EVL: variants seen among roughly 807,000 people sequenced by gnomAD.
EVL encodes the protein Enah/Vasp-like, also known as ena/VASP-like protein.
EVL carries 21 observed loss-of-function variants against 59.6 expected under a neutral mutation model. The observed-to-expected ratio is 0.35, with a 90% CI of 0.25 to 0.51. EVL has a LOEUF of 0.51. Ranked by LOEUF, EVL falls within the 20% of genes least tolerant of loss-of-function variation. The pLI is 0.97. For synonymous variants in EVL, 198 were observed against 203.5 expected (o/e 0.97, Z 0.23); for missense variants, 462 against 546.6 (o/e 0.85, Z 1.54).
intron 1 of EVL, among the ~76,000 whole-genome samples, chr14:99,996,814 G>A (rs1373702003): frequency 2.0e-5 from 3 of 152,118 alleles, no homozygotes; most frequent in African/African-American, 7.2e-5. Flanking sequence ...ACCGTGTCTG[G>A]CTGATTTCTG....
chr14:100,030,270 T>C (rs1356256636), intron 1 of EVL, among the ~76,000 whole-genome samples: 8 of 151,806 alleles, frequency 5.3e-5, no homozygotes, highest in Non-Finnish European at 1.0e-4. Context: ...TTTTTTTTTC[T>C]TTTGTATTTT....
At chr14:100,041,592 C>G (rs2061468630) in intron 1 of EVL, among the ~76,000 whole-genome samples, 1 of 152,192 alleles carries the variant, frequency 6.6e-6, no homozygotes, top group Non-Finnish European at 1.5e-5. Flanking sequence ...GACCCCAACA[C>G]ACAGTAGGTG....
intron 1 of EVL, among the ~76,000 whole-genome samples, chr14:100,079,111 A>G (rs534062606): frequency 1.3e-5 from 2 of 152,290 alleles, no homozygotes; most frequent in South Asian, 4.1e-4. Flanking sequence ...GCCTGGGCCC[A>G]GGCAGAGCTG....
intron 11 of EVL, chr14:100,140,945 A>C (rs1283241417): frequency 2.1e-6 from 1 of 485,546 alleles, no homozygotes; most frequent in Non-Finnish European, 3.7e-6. Context: ...TGTTGACCCC[A>C]GCCAGCCTTG....
At chr14:100,085,067 T>A in intron 2 of EVL, 1 of 513,186 alleles carries the variant, frequency 1.9e-6, no homozygotes, top group South Asian at 3.1e-5. Context: ...TTTACCTATG[T>A]CATATGGAGA....
intron 1 of EVL, among the ~76,000 whole-genome samples, chr14:100,073,698 C>T (rs2062098479): frequency 6.6e-6 from 1 of 152,098 alleles, no homozygotes. Flanking sequence ...AGTCATGCCA[C>T]CCCCACCACA....
Position 100,084,900 on chromosome 14 carries a change from C to T in EVL, c.180+45C>T, listed in dbSNP as rs758833473. On this transcript the variant is annotated intron_variant, in intron 2 of 13. Transcript: ENST00000392920. ...ATTATACCCGTGAGCCTGCGCACCA[C>T]CTCCTCACCGCCCACCCCTTACACA... is the stretch of plus-strand genomic sequence containing the variant. The T allele has an allele frequency of 3.8e-6, 6 of 1,599,450 alleles. No homozygotes were observed. In the South Asian group the frequency reaches 4.4e-5, roughly 12 times the overall value.
rs61984548 is a variant in EVL at position 100,109,810 on chromosome 14, T to A, written c.358+12152T>A. 0.028 allele frequency: 12,878 copies of A among 461,988 alleles called. 261 individuals carry two copies. Among genetic ancestry groups the A allele is most frequent in the Non-Finnish European group, 0.041 (9,036 of 218,732 alleles). 28.6% of individuals were successfully genotyped at this position (461,988 alleles called of 1,614,324 possible). On this transcript the variant is annotated intron_variant, in intron 3 of 13. Transcript: ENST00000392920. The surrounding 1 kb of genome is among the most constrained non-coding windows in gnomAD (Gnocchi z 4.3). ...CCAGCCACAGCCTATGGAAGGGCCTTCAGCTGCTGTGGCCCCGAGGTGTGC... is the reference window on the plus strand; with the variant it reads ...CCAGCCACAGCCTATGGAAGGGCCTACAGCTGCTGTGGCCCCGAGGTGTGC...
At chr14:99,990,546 T>G (rs2060868836) in intron 1 of EVL, among the ~76,000 whole-genome samples, 1 of 152,190 alleles carries the variant, frequency 6.6e-6, no homozygotes, top group African/African-American at 2.4e-5. Context: ...TCTTTCCGTT[T>G]CTATGATTTT....
chr14:100,104,634 G>A (rs920058370), intron 3 of EVL, among the ~76,000 whole-genome samples: 4 of 152,144 alleles, frequency 2.6e-5, no homozygotes, highest in South Asian at 2.1e-4. Context: ...CAAAGCTCCC[G>A]TTATGATGGG....
intron 1 of EVL, among the ~76,000 whole-genome samples, chr14:99,973,525 C>T (rs553129221): frequency 1.2e-4 from 19 of 152,262 alleles, no homozygotes; most frequent in South Asian, 6.2e-4. Flanking sequence ...TGCAGTGGTG[C>T]GATCTCGGCT....
chr14:100,056,190 T>C (rs4587910), intron 1 of EVL, among the ~76,000 whole-genome samples: 29,540 of 151,938 alleles, frequency 0.19, 3,979 homozygotes, highest in African/African-American at 0.38. Flanking sequence ...TTGAATTCTA[T>C]AAAATTATCT....
chr14:100,004,735 C>T (rs2060967624), intron 1 of EVL, among the ~76,000 whole-genome samples: 1 of 152,046 alleles, frequency 6.6e-6, no homozygotes, highest in Non-Finnish European at 1.5e-5. Context: ...CAAAAAATAC[C>T]TCTTTATTGC....
rs532512303 is a variant in EVL, at chr14:99,993,685, C to CTTTTTTTTT, written c.5+21644_5+21652dup. Among the ~76,000 whole-genome samples, 320 of 78,288 alleles carry CTTTTTTTTT rather than the reference C, an allele frequency of 4.1e-3. 1 individual carries two copies. The highest frequency in any genetic ancestry group is 5.9e-3 in the African/African-American group (97 of 16,530). 51.4% of individuals were successfully genotyped at this position (78,288 alleles called of 152,430 possible). On this transcript the variant is annotated intron_variant, in intron 1 of 13. Transcript: ENST00000402714. The stretch of plus-strand genomic sequence containing the variant: ...GTCTTTTCAGATTGTTTCTTTCTTT[C>CTTTTTTTTT]TTTTTTTTTTTTTTTTTTTTTTTTG...
chr14:100,099,635 C>T (rs1886067909), intron 3 of EVL, among the ~76,000 whole-genome samples: 1 of 152,016 alleles, frequency 6.6e-6, no homozygotes, highest in Non-Finnish European at 1.5e-5. Flanking sequence ...CAAATGTTTA[C>T]TAAACTGTCT....
intron 1 of EVL, among the ~76,000 whole-genome samples, chr14:100,074,007 GC>G (rs1265146491): frequency 6.6e-6 from 1 of 151,846 alleles, no homozygotes; most frequent in African/African-American, 2.4e-5. Context: ...ACCCCCGGGG[GC>G]GGTGGGGGCG....
At chr14:100,035,382 C>T (rs1281420720) in intron 1 of EVL, among the ~76,000 whole-genome samples, 7 of 150,428 alleles carry the variant, frequency 4.7e-5, no homozygotes, top group African/African-American at 1.7e-4. Flanking sequence ...CAGATGGGGC[C>T]ATCTGTTTTC....
At chr14:100,074,159 A>G (rs1368200090) in intron 1 of EVL, among the ~76,000 whole-genome samples, 9 of 152,148 alleles carry the variant, frequency 5.9e-5, no homozygotes, top group African/African-American at 2.2e-4. Flanking sequence ...TTCCACAGAC[A>G]GGACCCGACA....
In EVL at chr14:100,143,779, C is replaced by T. The variant is rs770820201; in HGVS notation, c.*41C>T. 1.7e-5 allele frequency: 27 copies of T among 1,601,980 alleles called. No individual in the cohort carries two copies. Among genetic ancestry groups the T allele is most frequent in the East Asian group, 4.5e-5 (2 of 44,268 alleles). Reference sequence around the variant, plus strand: ...GCGCTGATTCGTCGAGCCCATCCGGCGACAGAGGACAGCCAGAAGCCCAGC... The same window carrying T: ...GCGCTGATTCGTCGAGCCCATCCGGTGACAGAGGACAGCCAGAAGCCCAGC... On this transcript the variant is annotated 3_prime_UTR_variant, in exon 14 of 14. Coordinates refer to ENST00000392920, the MANE Select transcript of EVL (RefSeq NM_016337.3).
Sources: allele counts gnomAD v4.1 joint callset (sites outside exome capture counted in the v4.1 genomes callset), GRCh38; gene constraint gnomAD v4.1.1; non-coding constraint Gnocchi (gnomAD v3.1); transcripts MANE v1.5; gene names NCBI Gene and HGNC (gene_info 2026-07-23, HGNC 2026-07-21).